The following CARMIL1 variants were observed in gnomAD, a reference collection of about 807,000 sequenced individuals.
The protein encoded by CARMIL1 is F-actin-uncapping protein LRRC16A.
CARMIL1 carries 90 observed loss-of-function variants against 177.1 expected under a neutral mutation model. The ratio of observed to expected loss-of-function variants is 0.51; its 90% CI spans 0.43 to 0.61. The LOEUF is 0.61. CARMIL1 is among the 20% of genes least tolerant of loss of function. The probability of loss-of-function intolerance (pLI) is 0.00; values close to 1 mark genes in which losing one functional copy is unlikely to be tolerated. For missense variants in CARMIL1, 1,380 were observed against 1,667.0 expected (o/e 0.83, Z 3.00); for synonymous variants, 577 against 606.2 (o/e 0.95, Z 0.71).
intron 2 of CARMIL1, among the ~76,000 whole-genome samples, chr6:25,310,995 A>G (rs1327145942): frequency 6.6e-6 from 1 of 151,994 alleles, no homozygotes; most frequent in Non-Finnish European, 1.5e-5. Flanking sequence ...AGCCTGGCCA[A>G]CATGGTGAAA....
intron 23 of CARMIL1, among the ~76,000 whole-genome samples, chr6:25,521,401 A>G (rs945185268): frequency 1.3e-5 from 2 of 152,210 alleles, no homozygotes; most frequent in African/African-American, 4.8e-5. Context: ...TGTTAGAACT[A>G]TAGTACACAA....
In CARMIL1 at chr6:25,551,050, G is replaced by A; in HGVS notation, c.2469G>A (p.Leu823=). 1 of 1,613,342 alleles carries A rather than the reference G, an allele frequency of 6.2e-7. No individual in the cohort carries two copies. Among genetic ancestry groups the A allele is most frequent in the Non-Finnish European group, 8.5e-7 (1 of 1,179,516 alleles). The change falls in exon 27 of 37, where the codon TTG becomes TTA. Residue 823 remains leucine, a synonymous_variant. Coordinates refer to ENST00000329474, the MANE Select transcript of CARMIL1 (RefSeq NM_017640.6). ...IPRTFVKNVL[L]EQSGIDILNK... ...GTACCTTTGTTAAAAATGTCCTGTT[G>A]GAGCAGTCTGGAATTGATATCCTTA... is the stretch of plus-strand genomic sequence containing the variant.
intron 5 of CARMIL1, among the ~76,000 whole-genome samples, chr6:25,438,628 T>G (rs941749343): frequency 6.6e-6 from 1 of 152,130 alleles, no homozygotes; most frequent in Non-Finnish European, 1.5e-5. Context: ...GCTTGGTATC[T>G]CTGAGAAACT....
chr6:25,509,682 A>G lies in CARMIL1; in HGVS notation c.1422A>G (p.Leu474=). The change falls in exon 18 of 37, where the codon TTA becomes TTG. Residue 474 remains leucine (L), a synonymous_variant. Coordinates refer to ENST00000329474, the MANE Select transcript of CARMIL1 (RefSeq NM_017640.6). The surrounding 1 kb of genome is among the most constrained non-coding windows in gnomAD (Gnocchi z 4.1). ...TGAGATCAGGAGGTGCTCAAGTATT[A>G]GAAGGTTGCATTGCTGAAATACACA... is the stretch of plus-strand genomic sequence containing the variant. ...CELRSGGAQV[L]EGCIAEIHNI... 6.2e-7 allele frequency: 1 copy of G among 1,604,094 alleles called. No homozygotes were observed. The highest frequency in any genetic ancestry group is 8.5e-7 in the Non-Finnish European group (1 of 1,174,818).
rs559601771 is a variant in CARMIL1 at position 25,473,021 on chromosome 6, T to C, written c.874+500T>C. ...GAGCTATAAGCTCGATGTCCCCAGT[T>C]TCTTACTAGCTGTCAGTGGGCACCA... On this transcript the variant is annotated intron_variant, in intron 11 of 36. Coordinates refer to ENST00000329474, the MANE Select transcript of CARMIL1 (RefSeq NM_017640.6). 3.3e-5 allele frequency among the ~76,000 whole-genome samples: 5 copies of C among 152,296 alleles called. No individual in the cohort carries two copies. In the East Asian group the frequency reaches 9.6e-4, roughly 29 times the overall value.
intron 25 of CARMIL1, 65 bp from the exon 26 acceptor site, chr6:25,539,882 C>G: frequency 7.9e-7 from 1 of 1,270,944 alleles, no homozygotes; most frequent in Non-Finnish European, 1.1e-6. Flanking sequence ...CTCATTCACT[C>G]TGCAATGACT....
At chr6:25,510,016 G>C (rs1582193365) in intron 18 of CARMIL1, among the ~76,000 whole-genome samples, 1 of 152,116 alleles carries the variant, frequency 6.6e-6, no homozygotes, top group Non-Finnish European at 1.5e-5. Flanking sequence ...AAGGGTCTGA[G>C]ACCAACTTTT....
intron 17 of CARMIL1, among the ~76,000 whole-genome samples, chr6:25,508,063 T>G (rs1450805599): frequency 6.6e-6 from 1 of 152,192 alleles, no homozygotes; most frequent in Non-Finnish European, 1.5e-5. Context: ...AGACCTAAAA[T>G]TTTTACTACT....
chr6:25,513,236 AT>A (rs910807792), intron 20 of CARMIL1, among the ~76,000 whole-genome samples: 5 of 152,224 alleles, frequency 3.3e-5, no homozygotes, highest in Non-Finnish European at 7.3e-5. Context: ...TTATTAAAGC[AT>A]ACTGTGTTTG....
chr6:25,306,282 TG>T (rs1783254624), intron 2 of CARMIL1, among the ~76,000 whole-genome samples: 1 of 152,322 alleles, frequency 6.6e-6, no homozygotes, highest in African/African-American at 2.4e-5. Flanking sequence ...TTTAGGAACC[TG>T]GGTCACACAG....
intron 25 of CARMIL1, among the ~76,000 whole-genome samples, chr6:25,538,626 C>T (rs1184109937): frequency 6.6e-6 from 1 of 152,150 alleles, no homozygotes; most frequent in Non-Finnish European, 1.5e-5. Flanking sequence ...GTCCCTGGTT[C>T]CTGAACCAGA....
chr6:25,346,749 T>C (rs1014694421), intron 2 of CARMIL1, among the ~76,000 whole-genome samples: 2 of 152,192 alleles, frequency 1.3e-5, no homozygotes, highest in African/African-American at 4.8e-5. Context: ...AGGCACATTT[T>C]GGCTTAAAGT....
chr6:25,534,293 C>G (rs752730719), intron 24 of CARMIL1, among the ~76,000 whole-genome samples: 2 of 152,016 alleles, frequency 1.3e-5, no homozygotes, highest in East Asian at 3.9e-4. Flanking sequence ...AAATGACGCT[C>G]TGTGCCTTGG....
intron 2 of CARMIL1, among the ~76,000 whole-genome samples, chr6:25,364,605 C>T (rs527958625): frequency 6.7e-6 from 1 of 150,300 alleles, no homozygotes; most frequent in East Asian, 1.9e-4. Context: ...GTCTTGTCAC[C>T]CAGACTGGAG....
chr6:25,489,342 A>G (rs2150990500), intron 13 of CARMIL1, among the ~76,000 whole-genome samples: 1 of 152,318 alleles, frequency 6.6e-6, no homozygotes, highest in South Asian at 2.1e-4. Context: ...GCACTCGTCT[A>G]TTCCGTGAAT....
At chr6:25,426,780 A>T (rs563185317) in intron 4 of CARMIL1, among the ~76,000 whole-genome samples, 8 of 152,338 alleles carry the variant, frequency 5.3e-5, no homozygotes, top group African/African-American at 1.9e-4. Context: ...ATTAGCTCTT[A>T]TGATAACCGG....
chr6:25,352,168 A>C (rs1011146326), intron 2 of CARMIL1, among the ~76,000 whole-genome samples: 1 of 143,910 alleles, frequency 6.9e-6, no homozygotes, highest in Non-Finnish European at 1.5e-5. Context: ...AAAAAAAAAA[A>C]GTATTCATCT....
intron 26 of CARMIL1, among the ~76,000 whole-genome samples, chr6:25,540,418 A>G (rs1808779620): frequency 1.3e-5 from 2 of 152,216 alleles, no homozygotes; most frequent in African/African-American, 2.4e-5. Context: ...GGGGAAAATG[A>G]TAGTAACTAC....
At chr6:25,581,543 G>A in intron 31 of CARMIL1, 104 bp downstream of exon 31, 6 of 1,052,564 alleles carry the variant, frequency 5.7e-6, no homozygotes, top group Non-Finnish European at 6.8e-6. Flanking sequence ...TGAAAGCTAT[G>A]GTTAAGGAGA....
Sources: allele counts gnomAD v4.1 joint callset (sites outside exome capture counted in the v4.1 genomes callset), GRCh38; gene constraint gnomAD v4.1.1; non-coding constraint Gnocchi (gnomAD v3.1); transcripts MANE v1.5; gene names NCBI Gene and HGNC (gene_info 2026-07-23, HGNC 2026-07-21).